ABCG1: variants seen among roughly 807,000 people sequenced by gnomAD.
ABCG1 encodes ATP-binding cassette sub-family G member 1.
ABCG1 carries 29 observed loss-of-function variants against 69.2 expected under a neutral mutation model. The ratio of observed to expected loss-of-function variants is 0.42; its 90% CI spans 0.31 to 0.57. The LOEUF (loss-of-function observed/expected upper bound fraction) is 0.57. Among genes scored for constraint, ABCG1 ranks in the 20% least tolerant of loss-of-function variants. The pLI is 0.15. For synonymous variants in ABCG1, 370 were observed against 374.8 expected (o/e 0.99, Z 0.15); for missense variants, 718 against 898.1 (o/e 0.80, Z 2.56).
rs225401 is a variant in ABCG1, at chr21:42,273,583, G to A, written c.537+148G>A. 87,232 of 893,178 alleles carry A rather than the reference G, an allele frequency of 0.098. 6,561 individuals carry two copies. The highest frequency in any genetic ancestry group is 0.34 in the African/African-American group (19,061 of 56,826). The allele number at this position is 893,178 out of a possible 1,614,324, so 55.3% of individuals were successfully genotyped here. On this transcript the variant is annotated intron_variant, in intron 4 of 14. Coordinates refer to ENST00000398449, the MANE Select transcript of ABCG1 (RefSeq NM_016818.3). This position sits in a 1 kb window ranked among gnomAD's most constrained non-coding sequence, Gnocchi z 5.3. ...ACAGGGCCAGCAACCTCCCTCTAGC[G>A]GAGTTCTAACACCAGACTCGCTGTT... is the stretch of plus-strand genomic sequence containing the variant.
chr21:42,243,084 G>A (rs1231524400), intron 2 of ABCG1, among the ~76,000 whole-genome samples: 4 of 152,196 alleles, frequency 2.6e-5, no homozygotes, highest in African/African-American at 9.6e-5. Flanking sequence ...TGCACCACAG[G>A]CAGGAGTGAG....
At chr21:42,202,664 TACAGGGGCGCGATC>T (rs2067515657) in intron 2 of ABCG1, among the ~76,000 whole-genome samples, 1 of 151,828 alleles carries the variant, frequency 6.6e-6, no homozygotes, top group African/African-American at 2.4e-5. Flanking sequence ...CAGGCTGAAG[TACAGGGGCGCGATC>T]ACAGCTCACT....
rs926412698 is a variant in ABCG1, at chr21:42,288,505, C to T, written c.1224+193C>T. On this transcript the variant is annotated intron_variant, in intron 10 of 14. Transcript: ENST00000398449. This position sits in a 1 kb window ranked among gnomAD's most constrained non-coding sequence, Gnocchi z 4.8. ...GGCAGATCATTTGAGGCCAGGAGTTCAGACCAGCCTGGCCAACGTGGGGAA... is the reference window on the plus strand; with the variant it reads ...GGCAGATCATTTGAGGCCAGGAGTTTAGACCAGCCTGGCCAACGTGGGGAA... Among the ~76,000 whole-genome samples the T allele has an allele frequency of 1.7e-4, 26 of 152,324 alleles. No homozygotes were observed. Among genetic ancestry groups the T allele is most frequent in the African/African-American group, 6.3e-4 (26 of 41,576 alleles).
At chr21:42,205,684 T>C (rs2123464506) in intron 2 of ABCG1, among the ~76,000 whole-genome samples, 1 of 152,320 alleles carries the variant, frequency 6.6e-6, no homozygotes, top group Admixed American at 6.5e-5. Flanking sequence ...TCTACTGGCT[T>C]TCTCTTTTCA....
At chr21:42,238,576 G>A (rs2068008294) in intron 2 of ABCG1, among the ~76,000 whole-genome samples, 1 of 152,194 alleles carries the variant, frequency 6.6e-6, no homozygotes, top group Admixed American at 6.5e-5. Context: ...TGGATGACAA[G>A]CTTTGCATCT....
chr21:42,291,623 C>A lies in ABCG1; in HGVS notation c.1620C>A (p.Gly540=), dbSNP rs969849124. The A allele has an allele frequency of 4.4e-6, 7 of 1,607,508 alleles. No homozygotes were observed. The highest frequency in any genetic ancestry group is 5.1e-6 in the Non-Finnish European group (6 of 1,179,712). ...TMTSLVAQSL[G]LLIGAASTSL... Reference sequence around the variant, plus strand: ...CCTCCCTGGTGGCACAGTCCCTGGGCCTGCTGATCGGAGCCGCCTCCACGT... The same window carrying A: ...CCTCCCTGGTGGCACAGTCCCTGGGACTGCTGATCGGAGCCGCCTCCACGT... The change falls in exon 13 of 15, where the codon GGC becomes GGA. Residue 540 remains glycine (G), a synonymous_variant. Coordinates refer to ENST00000398449, the MANE Select transcript of ABCG1 (RefSeq NM_016818.3). The surrounding 1 kb of genome is among the most constrained non-coding windows in gnomAD (Gnocchi z 6.4).
At chr21:42,202,623 T>C (rs964610589) in intron 2 of ABCG1, among the ~76,000 whole-genome samples, 43 of 151,808 alleles carry the variant, frequency 2.8e-4, no homozygotes, top group African/African-American at 1.0e-3. Context: ...CTTTTTTTTT[T>C]TCGTTTGAGA....
At position 42,273,219 on chromosome 21, in the gene ABCG1, G is replaced by A. The variant is rs1156458530; in HGVS notation, c.405-84G>A. 25 of 1,523,650 alleles carry A rather than the reference G, an allele frequency of 1.6e-5. No individual in the cohort carries two copies. The highest frequency in any genetic ancestry group is 1.0e-4 in the South Asian group (8 of 79,052). 94.4% of individuals were successfully genotyped at this position (1,523,650 alleles called of 1,614,324 possible). ...GGAAGATGCTGGGAGGCAAGCCCCC[G>A]TCTCTGGCTCCCCTCTCCTGCCCCG... On this transcript the variant is annotated intron_variant, in intron 3 of 14. Coordinates refer to ENST00000398449, the MANE Select transcript of ABCG1 (RefSeq NM_016818.3). The surrounding 1 kb of genome is among the most constrained non-coding windows in gnomAD (Gnocchi z 5.3).
At chr21:42,251,475 C>T (rs2068219502) in intron 2 of ABCG1, among the ~76,000 whole-genome samples, 1 of 152,166 alleles carries the variant, frequency 6.6e-6, no homozygotes, top group Admixed American at 6.5e-5. Context: ...GGCCAGCCAC[C>T]GTGTGAAGTT....
intron 8 of ABCG1, among the ~76,000 whole-genome samples, chr21:42,286,862 G>A (rs970154255): frequency 2.0e-5 from 3 of 152,200 alleles, no homozygotes; most frequent in Non-Finnish European, 4.4e-5. Flanking sequence ...GGTGAGGGGA[G>A]TGTGGCCCAC....
At chr21:42,268,940 G>T (rs1194557817) in intron 2 of ABCG1, among the ~76,000 whole-genome samples, 2 of 152,186 alleles carry the variant, frequency 1.3e-5, no homozygotes, top group Admixed American at 6.5e-5. Context: ...AGCACTGAGG[G>T]TCAGCCCCAG....
rs577214902 is a variant in ABCG1 at position 42,239,900 on chromosome 21, G to A, written c.286+13986G>A. ...TGCAGAATCAGCTAGCTGGGCAAGG[G>A]GCCTAAGCTCCGGAAGGTTCCCCTT... On this transcript the variant is annotated intron_variant, in intron 2 of 14. Coordinates refer to ENST00000398449, the MANE Select transcript of ABCG1 (RefSeq NM_016818.3). Among the ~76,000 whole-genome samples, 337 of 152,354 alleles carry A rather than the reference G, an allele frequency of 2.2e-3. 2 individuals carry two copies. The highest frequency in any genetic ancestry group is 7.7e-3 in the African/African-American group (321 of 41,578).
Position 42,283,775 on chromosome 21 carries a change from TA to T in ABCG1, c.735-784del, listed in dbSNP as rs1222213128. On this transcript the variant is annotated intron_variant, in intron 6 of 14. Transcript: ENST00000398449. Reference sequence around the variant, plus strand: ...CTGTCCTGCCTGGACAGTTGTGAAGTACCCCCCAACCCAGATGAGTGGGGAC... The same window carrying T: ...CTGTCCTGCCTGGACAGTTGTGAAGTCCCCCCAACCCAGATGAGTGGGGAC... Among the ~76,000 whole-genome samples, 144 of 38,862 alleles carry T rather than the reference TA, an allele frequency of 3.7e-3. 3 individuals carry two copies. The highest frequency in any genetic ancestry group is 5.4e-3 in the African/African-American group (51 of 9,364). 25.5% of individuals were successfully genotyped at this position (38,862 alleles called of 152,430 possible). A position where few individuals can be genotyped will look rare whatever the true frequency, so the allele number is the denominator to read the frequency against.
chr21:42,248,659 G>A (rs887306808), intron 2 of ABCG1, among the ~76,000 whole-genome samples: 5 of 152,024 alleles, frequency 3.3e-5, no homozygotes, highest in East Asian at 1.9e-4. Flanking sequence ...AGGCCGAGGC[G>A]GGTGAATTGT....
chr21:42,288,351 C>A lies in ABCG1; in HGVS notation c.1224+39C>A. The A allele has an allele frequency of 1.3e-6, 2 of 1,494,848 alleles. No homozygotes were observed. The highest frequency in any genetic ancestry group is 2.3e-5 in the East Asian group (1 of 43,988). 92.6% of individuals were successfully genotyped at this position (1,494,848 alleles called of 1,614,324 possible). The stretch of plus-strand genomic sequence containing the variant: ...CATCTTCTCCTGTAGCTGGGGAACC[C>A]GTGGGTCATTTTCTCAGACTCGTCC... On this transcript the variant is annotated intron_variant, in intron 10 of 14. Transcript: ENST00000398449. The surrounding 1 kb of genome is among the most constrained non-coding windows in gnomAD (Gnocchi z 4.8).
rs1601455619 is a variant in ABCG1, at chr21:42,290,278, G to T, written c.1393+60G>T. On this transcript the variant is annotated intron_variant, in intron 11 of 14. Transcript: ENST00000398449. ...TTTCAATTCCTACCCAAGCATGGGGGCCTGAAGTCACGCCTTGACCAACAG... is the reference window on the plus strand; with the variant it reads ...TTTCAATTCCTACCCAAGCATGGGGTCCTGAAGTCACGCCTTGACCAACAG... 4 of 1,560,758 alleles carry T rather than the reference G, an allele frequency of 2.6e-6. No individual in the cohort carries two copies. The South Asian group carries it at 4.7e-5, about 18-fold the overall frequency.
chr21:42,275,380 T>C (rs1054182226), intron 4 of ABCG1, among the ~76,000 whole-genome samples: 8 of 152,178 alleles, frequency 5.3e-5, no homozygotes, highest in Non-Finnish European at 1.0e-4. Flanking sequence ...TCCAAATGGA[T>C]GTTCAGATGG....
chr21:42,216,138 T>G (rs759270699), upstream of ABCG1: 5 of 452,190 alleles, frequency 1.1e-5, no homozygotes, highest in South Asian at 7.8e-5. Flanking sequence ...ATGTGAGACA[T>G]GCCTTTCACC....
intron 2 of ABCG1, among the ~76,000 whole-genome samples, chr21:42,270,851 G>GTAATTAT (rs2068603561): frequency 6.6e-6 from 1 of 152,150 alleles, no homozygotes; most frequent in South Asian, 2.1e-4. Flanking sequence ...ACACGTGCTG[G>GTAATTAT]TAATTATTAT....
Sources: allele counts gnomAD v4.1 joint callset (sites outside exome capture counted in the v4.1 genomes callset), GRCh38; gene constraint gnomAD v4.1.1; non-coding constraint Gnocchi (gnomAD v3.1); transcripts MANE v1.5; gene names NCBI Gene and HGNC (gene_info 2026-07-23, HGNC 2026-07-21).